PSD: variants seen among roughly 807,000 people sequenced by gnomAD.
PSD encodes the protein pleckstrin and Sec7 domain containing.
PSD carries 32 observed loss-of-function variants against 91.6 expected under a neutral mutation model. That is an observed-to-expected ratio of 0.35 (90% confidence interval 0.26 to 0.47). PSD has a LOEUF of 0.47. PSD is among the 20% of genes least tolerant of loss of function. The pLI, the probability that PSD is intolerant of heterozygous loss-of-function variation, is 1.00. For missense variants in PSD, 1,099 were observed against 1,373.9 expected, an observed-to-expected ratio of 0.80 and a Z score of 3.16; for synonymous variants, 532 against 569.3, an observed-to-expected ratio of 0.93 and a Z score of 0.93.
rs373920104 is a variant in PSD at position 102,414,146 on chromosome 10, C to T, written c.1176G>A (p.Thr392=). Reference sequence around the variant, plus strand: ...AGTCAGGCCCATCAGCCGAGGGGCTCGTCCCAGGTAGAAAGGGCACAGGTG... The same window carrying T: ...AGTCAGGCCCATCAGCCGAGGGGCTTGTCCCAGGTAGAAAGGGCACAGGTG... ...LKSPVPFLPG[T]SPSADGPDSF... Residue 392 remains threonine (T), a synonymous_variant, in exon 5 of 17, where the codon ACG becomes ACA. Transcript: ENST00000020673. The surrounding 1 kb of genome is among the most constrained non-coding windows in gnomAD (Gnocchi z 5.6). The T allele has an allele frequency of 1.5e-5, 24 of 1,613,900 alleles. No homozygotes were observed. The highest frequency in any genetic ancestry group is 8.0e-5 in the African/African-American group (6 of 75,014).
intron 11 of PSD, 47 bp downstream of exon 11, chr10:102,407,176 C>G (rs777221117): frequency 1.2e-5 from 18 of 1,564,812 alleles, no homozygotes; most frequent in Non-Finnish European, 1.6e-5. Context: ...CAGGCAGCCC[C>G]TTCCCCATGC....
At chr10:102,411,952 C>A in intron 7 of PSD, 133 bp from the exon 8 acceptor site, 1 of 896,762 alleles carries the variant, frequency 1.1e-6, no homozygotes, top group South Asian at 1.4e-5. Flanking sequence ...AGGGTATGCA[C>A]CCTGACCCTC....
Position 102,412,461 on chromosome 10 carries a change from C to T in PSD, c.1668G>A (p.Glu556=), listed in dbSNP as rs1262466684. 1.2e-6 allele frequency: 2 copies of T among 1,614,180 alleles called. No individual in the cohort carries two copies. Among genetic ancestry groups the T allele is most frequent in the Non-Finnish European group, 1.7e-6 (2 of 1,180,044 alleles). The part of the protein sequence containing the change: ...TLSNGQKADL[E]AAQRLAKRLY... ...GCCTCTTGGCCAGGCGCTGCGCAGC[C>T]TCCAGGTCCGCTTTCTGCCCATTGG... The change falls in exon 6 of 17, where the codon GAG becomes GAA. Residue 556 remains glutamate, a synonymous_variant. Coordinates refer to ENST00000020673, the MANE Select transcript of PSD (RefSeq NM_002779.5).
intron 6 of PSD, 74 bp from the exon 7 acceptor site, chr10:102,412,301 C>T (rs984818057): frequency 9.9e-6 from 16 of 1,610,892 alleles, no homozygotes; most frequent in African/African-American, 1.3e-5. Context: ...TACCCAATGA[C>T]CAGGGGACAT....
chr10:102,418,488 C>G (rs1356489729), intron 1 of PSD, among the ~76,000 whole-genome samples: 1 of 152,070 alleles, frequency 6.6e-6, no homozygotes, highest in Admixed American at 6.5e-5. Flanking sequence ...TGAGGGGAAT[C>G]TGCACCCATA....
rs1190963537 is a variant in PSD, at chr10:102,409,596, G to C, written c.2091+1262C>G. On this transcript the variant is annotated intron_variant, in intron 10 of 16. Transcript: ENST00000020673. This position sits in a 1 kb window ranked among gnomAD's most constrained non-coding sequence, Gnocchi z 5.7. ...CACTGAGCCAAGAGGGGCCTCGAGGGAGGACGGAGGCAGGGAAGGAACAGC... is the reference window on the plus strand; with the variant it reads ...CACTGAGCCAAGAGGGGCCTCGAGGCAGGACGGAGGCAGGGAAGGAACAGC... Among the ~76,000 whole-genome samples the C allele has an allele frequency of 6.6e-6, 1 of 152,088 alleles. No individual in the cohort carries two copies. Among genetic ancestry groups the C allele is most frequent in the Admixed American group, 6.5e-5 (1 of 15,282 alleles).
At position 102,412,396 on chromosome 10, in the gene PSD, C is replaced by A; in HGVS notation, c.1733G>T (p.Arg578Leu). ...LDGFRKADVARHLGKNNDFSK... is the reference protein window; with the variant it reads ...LDGFRKADVALHLGKNNDFSK... The stretch of plus-strand genomic sequence containing the variant: ...GTGGCTTTACTTCTTGCCCAGGTGC[C>A]GGGCCACATCGGCCTTCCTGAAGCC... The change falls in exon 6 of 17, where the codon CGG (arginine) becomes CTG (leucine). Residue 578 changes from arginine to leucine, a missense_variant. Transcript: ENST00000020673. 6.2e-7 allele frequency: 1 copy of A among 1,613,762 alleles called. No individual in the cohort carries two copies. The highest frequency in any genetic ancestry group is 8.5e-7 in the Non-Finnish European group (1 of 1,179,696).
rs374492247 is a variant in PSD, at chr10:102,412,498, G to T, written c.1631C>A (p.Thr544Lys). The T allele has an allele frequency of 6.2e-7, 1 of 1,613,922 alleles. No individual in the cohort carries two copies. The highest frequency in any genetic ancestry group is 8.5e-7 in the Non-Finnish European group (1 of 1,180,026). The change falls in exon 6 of 17, where the codon ACA (threonine) becomes AAA (lysine). Residue 544 changes from threonine to lysine, a missense_variant. Physicochemically the swap from Thr to Lys is moderately conservative, Grantham distance 78. This residue lies in a region of PSD where 110 missense variants were observed against 218.7 expected (regional missense o/e 0.50). Coordinates refer to ENST00000020673, the MANE Select transcript of PSD (RefSeq NM_002779.5). ...TTTCTGCCCATTGGACAAGGTGTCT[G>T]TGCTTCCCAGGGCCAGCCGCTCTGT... ...DSTERLALGSTDTLSNGQKAD... is the reference protein window; with the variant it reads ...DSTERLALGSKDTLSNGQKAD...
chr10:102,410,750 G>T lies in PSD; in HGVS notation c.2091+108C>A. The T allele has an allele frequency of 1.1e-6, 1 of 885,490 alleles. No individual in the cohort carries two copies. Among genetic ancestry groups the T allele is most frequent in the Non-Finnish European group, 1.9e-6 (1 of 538,628 alleles). 54.9% of individuals were successfully genotyped at this position (885,490 alleles called of 1,614,324 possible). The stretch of plus-strand genomic sequence containing the variant: ...AGCCCGGGCTTCCGTGGCAGGAGCC[G>T]GGGGTCGGCAAGCCCCAGCCCTGCC... On this transcript the variant is annotated intron_variant, in intron 10 of 16. Coordinates refer to ENST00000020673, the MANE Select transcript of PSD (RefSeq NM_002779.5). This position sits in a 1 kb window ranked among gnomAD's most constrained non-coding sequence, Gnocchi z 6.0.
upstream of PSD, chr10:102,418,999 C>T: frequency 5.9e-6 from 2 of 338,284 alleles, no homozygotes; most frequent in South Asian, 4.3e-5. Flanking sequence ...TTCTATTCCC[C>T]AGACCCTCAC....
At position 102,404,635 on chromosome 10, in the gene PSD, T is replaced by G; in HGVS notation, c.2648A>C (p.Gln883Pro). 6.2e-7 allele frequency: 1 copy of G among 1,612,300 alleles called. No individual in the cohort carries two copies. The highest frequency in any genetic ancestry group is 8.5e-7 in the Non-Finnish European group (1 of 1,179,118). ...CAGGAGAGGGCGGCTGAACTTCTTT[T>G]GGGAGCTAACAGCAGCTGGGAAGGG... ...APPFPAAVSS[Q>P]KKFSRPLLPS... The change falls in exon 15 of 17, where the codon CAA becomes CCA. Residue 883 changes from glutamine to proline, a missense_variant. This residue lies in a region of PSD where 358 missense variants were observed against 426.5 expected (regional missense o/e 0.84). Coordinates refer to ENST00000020673, the MANE Select transcript of PSD (RefSeq NM_002779.5). This position sits in a 1 kb window ranked among gnomAD's most constrained non-coding sequence, Gnocchi z 5.7.
At position 102,411,100 on chromosome 10, in the gene PSD, C is replaced by A; in HGVS notation, c.1959G>T (p.Leu653=). The part of the protein sequence containing the change: ...ALSSEDGAHT[L]TCALMLLNTD... Reference sequence around the variant, plus strand: ...TGTTGAGCAGCATGAGCGCACAGGTCAGCGTGTGGGCGCCGTCTAGGGGAG... The same window carrying A: ...TGTTGAGCAGCATGAGCGCACAGGTAAGCGTGTGGGCGCCGTCTAGGGGAG... Residue 653 remains leucine, a synonymous_variant, in exon 9 of 17, where the codon CTG becomes CTT. Coordinates refer to ENST00000020673, the MANE Select transcript of PSD (RefSeq NM_002779.5). 1 of 1,610,198 alleles carries A rather than the reference C, an allele frequency of 6.2e-7. No individual in the cohort carries two copies. Among genetic ancestry groups the A allele is most frequent in the Non-Finnish European group, 8.5e-7 (1 of 1,176,990 alleles).
upstream of PSD, chr10:102,419,059 G>T: frequency 3.1e-6 from 1 of 319,284 alleles, no homozygotes; most frequent in Non-Finnish European, 6.3e-6. This position sits in a 1 kb window ranked among gnomAD's most constrained non-coding sequence, Gnocchi z 4.8. Context: ...CGCCCCTTGA[G>T]CCACACGTAA....
At position 102,418,448 on chromosome 10, in the gene PSD, G is replaced by A. The variant is rs59541453; in HGVS notation, c.-84+253C>T. On this transcript the variant is annotated intron_variant, in intron 1 of 16. Coordinates refer to ENST00000020673, the MANE Select transcript of PSD (RefSeq NM_002779.5). ...ACACACTCAAGCAGGGACACACACC[G>A]TCCCCTCCCCCCCACCTACTGGGGT... Among the ~76,000 whole-genome samples, 624 of 152,074 alleles carry A rather than the reference G, an allele frequency of 4.1e-3. 6 individuals carry two copies. Among genetic ancestry groups the A allele is most frequent in the African/African-American group, 0.014 (584 of 41,424 alleles).
rs756331692 is a variant in PSD at position 102,405,186 on chromosome 10, C to T, written c.2394G>A (p.Gln798=). The change falls in exon 13 of 17, where the codon CAG becomes CAA. Residue 798 remains glutamine, a synonymous_variant. Transcript: ENST00000020673. This position sits in a 1 kb window ranked among gnomAD's most constrained non-coding sequence, Gnocchi z 5.4. ...GCCCCCTGGCCTGACCCCGCACCTT[C>T]TGCAGGTAGAGGATCATGCCCTTGA... The part of the protein sequence containing the change: ...GILKGMILYL[Q]KEEYKPGKAL... 32 of 1,611,084 alleles carry T rather than the reference C, an allele frequency of 2.0e-5. No homozygotes were observed. Among genetic ancestry groups the T allele is most frequent in the Non-Finnish European group, 2.5e-5 (29 of 1,179,856 alleles).
At chr10:102,417,405 G>A (rs563078601) in intron 1 of PSD, among the ~76,000 whole-genome samples, 13 of 152,196 alleles carry the variant, frequency 8.5e-5, no homozygotes, top group East Asian at 5.8e-4. Flanking sequence ...GAGTGAGCCC[G>A]GAGTTCTTAT....
intron 3 of PSD, among the ~76,000 whole-genome samples, chr10:102,415,505 C>T (rs923931334): frequency 6.6e-6 from 1 of 152,176 alleles, no homozygotes; most frequent in Non-Finnish European, 1.5e-5. Context: ...CAGGGTCTCA[C>T]TGTGTCACTG....
Position 102,414,087 on chromosome 10 carries a change from G to A in PSD, c.1235C>T (p.Ser412Leu). 2 of 1,614,144 alleles carry A rather than the reference G, an allele frequency of 1.2e-6. No individual in the cohort carries two copies. Among genetic ancestry groups the A allele is most frequent in the Non-Finnish European group, 8.5e-7 (1 of 1,179,998 alleles). Residue 412 changes from serine to leucine, a missense_variant, in exon 5 of 17, where the codon TCA (serine) becomes TTA (leucine). Transcript: ENST00000020673. The surrounding 1 kb of genome is among the most constrained non-coding windows in gnomAD (Gnocchi z 5.6). ...ATAGGAGGTGCCTTTGGCCCGGTGT[G>A]ACTCCAGGATGGCTTCGAACACACA... ...FSCVFEAILE[S>L]HRAKGTSYTS...
Position 102,410,216 on chromosome 10 carries a change from C to G in PSD, c.2091+642G>C, listed in dbSNP as rs1210661501. Reference sequence around the variant, plus strand: ...CACCAGATCAGGGAGAGGAGTGAACCCACTGGATGAGCCACTCCCTTCTCC... The same window carrying G: ...CACCAGATCAGGGAGAGGAGTGAACGCACTGGATGAGCCACTCCCTTCTCC... On this transcript the variant is annotated intron_variant, in intron 10 of 16. Coordinates refer to ENST00000020673, the MANE Select transcript of PSD (RefSeq NM_002779.5). The surrounding 1 kb of genome is among the most constrained non-coding windows in gnomAD (Gnocchi z 6.0). Among the ~76,000 whole-genome samples, 2 of 152,180 alleles carry G rather than the reference C, an allele frequency of 1.3e-5. No homozygotes were observed. Among genetic ancestry groups the G allele is most frequent in the Non-Finnish European group, 2.9e-5 (2 of 68,032 alleles).
Sources: allele counts gnomAD v4.1 joint callset (sites outside exome capture counted in the v4.1 genomes callset), GRCh38; gene constraint gnomAD v4.1.1; regional missense constraint gnomAD v4.1.1; non-coding constraint Gnocchi (gnomAD v3.1); transcripts MANE v1.5; gene names NCBI Gene and HGNC (gene_info 2026-07-23, HGNC 2026-07-21).